The following ERCC1 variants were observed in gnomAD, a reference collection of about 807,000 sequenced individuals.
ERCC1 encodes ERCC excision repair 1, endonuclease non-catalytic subunit.
Under a neutral mutation model 37.6 loss-of-function variants are expected in ERCC1, and 36 were observed. The ratio of observed to expected loss-of-function variants is 0.96; its 90% confidence interval spans 0.73 to 1.26. The LOEUF (loss-of-function observed/expected upper bound fraction) is 1.26. Among genes scored for constraint, ERCC1 ranks in the 50% most tolerant of loss-of-function variants. The probability of loss-of-function intolerance (pLI) is 0.00; values close to 1 mark genes in which losing one functional copy is unlikely to be tolerated. For missense variants in ERCC1, 349 were observed against 376.5 expected, an observed-to-expected ratio of 0.93 and a Z score of 0.60; for synonymous variants, 156 against 162.1, an observed-to-expected ratio of 0.96 and a Z score of 0.28.
chr19:45,413,560 G>A lies in ERCC1; in HGVS notation c.843+117C>T, dbSNP rs200865944. The A allele has an allele frequency of 1.2e-5, 20 of 1,613,282 alleles. No individual in the cohort carries two copies. The Admixed American group carries it at 2.7e-4, about 22-fold the overall frequency. The stretch of plus-strand genomic sequence containing the variant: ...CAAAATGTTGGGATTACAGGCGGAA[G>A]CCACTGTGTCTGGTCTTTGGTTCTT... On this transcript the variant is annotated intron_variant, in intron 9 of 9. Coordinates refer to ENST00000300853, the MANE Select transcript of ERCC1 (RefSeq NM_001983.4).
Position 45,414,185 on chromosome 19 carries a change from G to GTCATCTCAGGCTGGGCGTGGTGGC in ERCC1, c.703-175_703-152dup. 4.2e-6 allele frequency: 3 copies of GTCATCTCAGGCTGGGCGTGGTGGC among 706,012 alleles called. No homozygotes were observed. In the East Asian group the frequency reaches 8.1e-5, roughly 19 times the overall value. The allele number at this position is 706,012 out of a possible 1,614,324, so 43.7% of individuals were successfully genotyped here. On this transcript the variant is annotated intron_variant, in intron 7 of 9. Coordinates refer to ENST00000300853, the MANE Select transcript of ERCC1 (RefSeq NM_001983.4). Reference sequence around the variant, plus strand: ...GCTTTTTTTCCCAACTGATTAAAAAGTCATCTCAGGCTGGGCGTGGTGGCT... The same window carrying GTCATCTCAGGCTGGGCGTGGTGGC: ...GCTTTTTTTCCCAACTGATTAAAAAGTCATCTCAGGCTGGGCGTGGTGGCTCATCTCAGGCTGGGCGTGGTGGCT...
At chr19:45,432,998 T>G (rs958956205) in intron 1 of ERCC1, among the ~76,000 whole-genome samples, 2 of 152,208 alleles carry the variant, frequency 1.3e-5, no homozygotes, top group African/African-American at 4.8e-5. Context: ...GAGAATCGCT[T>G]GAACCTGGGA....
intron 3 of ERCC1, 95 bp downstream of exon 3, chr19:45,421,083 G>T: frequency 1.0e-6 from 1 of 1,000,536 alleles, no homozygotes. Flanking sequence ...AGAACAAAGT[G>T]GCTGGAACTC....
At chr19:45,416,727 G>T in intron 6 of ERCC1, 94 bp downstream of exon 6, 1 of 913,912 alleles carries the variant, frequency 1.1e-6, no homozygotes, top group Non-Finnish European at 1.8e-6. Context: ...GGCCCACACA[G>T]GAAGGAGAAG....
intron 1 of ERCC1, among the ~76,000 whole-genome samples, chr19:45,447,269 T>G (rs1157020631): frequency 8.8e-5 from 12 of 136,856 alleles, no homozygotes; most frequent in Non-Finnish European, 1.5e-4. Flanking sequence ...CAGATTTGCT[T>G]CTTTTTTTTT....
At chr19:45,414,410 G>A in intron 7 of ERCC1, 1 of 366,288 alleles carries the variant, frequency 2.7e-6, no homozygotes, top group Non-Finnish European at 5.2e-6. Flanking sequence ...CTGGGAGGCA[G>A]AGGTTGCAGT....
intron 1 of ERCC1, among the ~76,000 whole-genome samples, chr19:45,445,593 G>T (rs944638738): frequency 2.6e-5 from 4 of 152,172 alleles, no homozygotes; most frequent in African/African-American, 9.7e-5. Context: ...GGTGATGTTT[G>T]AGCAAAGACT....
At chr19:45,419,448 G>A in intron 4 of ERCC1, 1 of 489,420 alleles carries the variant, frequency 2.0e-6, no homozygotes, top group East Asian at 3.8e-5. Context: ...ATGAAGAGGG[G>A]AAGAGACTTG....
chr19:45,413,813 G>A (rs2123467382), intron 8 of ERCC1, 68 bp from the exon 9 acceptor site: 4 of 1,601,504 alleles, frequency 2.5e-6, no homozygotes, highest in Non-Finnish European at 3.4e-6. Flanking sequence ...GCTGAGGAGG[G>A]GCCTCAGATA....
chr19:45,440,492 T>C (rs1975093129), intron 1 of ERCC1, among the ~76,000 whole-genome samples: 2 of 152,184 alleles, frequency 1.3e-5, no homozygotes, highest in South Asian at 4.1e-4. Context: ...GTTTCTACTG[T>C]GGGCAGGGGT....
chr19:45,428,837 C>G (rs890367809), upstream of ERCC1: 15 of 151,432 alleles, frequency 9.9e-5, no homozygotes, highest in African/African-American at 3.1e-4. Context: ...GCGGCGGGGC[C>G]GGGGACGCAG....
At position 45,408,107 on chromosome 19, in the gene ERCC1, T is replaced by C. The variant is rs776484508; in HGVS notation, c.*1568A>G. The stretch of plus-strand genomic sequence containing the variant: ...TTCCCTCTCCTGTTCCACTTAAGCC[T>C]CTGCCCTCCCTGTTTCTCTCTGTAG... On this transcript the variant is annotated 3_prime_UTR_variant, in exon 10 of 10. Transcript: ENST00000300853. 6.4e-7 allele frequency: 1 copy of C among 1,566,676 alleles called. No homozygotes were observed. Among genetic ancestry groups the C allele is most frequent in the Non-Finnish European group, 8.7e-7 (1 of 1,153,358 alleles).
chr19:45,416,253 T>C (rs1004320715), intron 6 of ERCC1, among the ~76,000 whole-genome samples: 2 of 152,242 alleles, frequency 1.3e-5, no homozygotes, highest in East Asian at 3.8e-4. Flanking sequence ...TTAGCTATTT[T>C]GGAAGGGAAG....
chr19:45,437,226 G>A (rs1975004239), intron 1 of ERCC1, among the ~76,000 whole-genome samples: 1 of 152,132 alleles, frequency 6.6e-6, no homozygotes, highest in Non-Finnish European at 1.5e-5. Flanking sequence ...TTCGGCCTGG[G>A]CGACAGGAGC....
In ERCC1 at chr19:45,438,588, G is replaced by T. The variant is rs183078863; in HGVS notation, c.-7-15207C>A. On this transcript the variant is annotated intron_variant, in intron 1 of 8. Transcript: ENST00000423698. ...TGATCCTCCTACCTCAGCCTTCTGAGTAGCTGGGACTACAGGTGTGCACTA... is the reference window on the plus strand; with the variant it reads ...TGATCCTCCTACCTCAGCCTTCTGATTAGCTGGGACTACAGGTGTGCACTA... 2.5e-3 allele frequency among the ~76,000 whole-genome samples: 386 copies of T among 152,226 alleles called. 2 individuals are homozygous for T. Among genetic ancestry groups the T allele is most frequent in the African/African-American group, 8.8e-3 (366 of 41,556 alleles).
chr19:45,445,956 T>C (rs1346649778), intron 1 of ERCC1, among the ~76,000 whole-genome samples: 6 of 152,162 alleles, frequency 3.9e-5, no homozygotes, highest in Admixed American at 3.9e-4. Flanking sequence ...TGGCGTGGTC[T>C]CGGCTCACTG....
At chr19:45,435,441 A>G (rs1320779785) in intron 1 of ERCC1, among the ~76,000 whole-genome samples, 2 of 152,184 alleles carry the variant, frequency 1.3e-5, no homozygotes, top group African/African-American at 4.8e-5. Flanking sequence ...TCTCAGCCTT[A>G]AAAGAAAACT....
At position 45,413,471 on chromosome 19, in the gene ERCC1, G is replaced by T. The variant is rs1044504900; in HGVS notation, c.843+206C>A. The T allele has an allele frequency of 7.0e-6, 7 of 994,108 alleles. No individual in the cohort carries two copies. In the African/African-American group the frequency reaches 9.6e-5, roughly 14 times the overall value. 61.6% of individuals were successfully genotyped at this position (994,108 alleles called of 1,614,324 possible). A position where few individuals can be genotyped will look rare whatever the true frequency, so the allele number is the denominator to read the frequency against. ...TTTTTTTATTTTTAGTAAAAATGAGGTGTCCACTTGCCCAGGCTGGTCTCC... is the reference window on the plus strand; with the variant it reads ...TTTTTTTATTTTTAGTAAAAATGAGTTGTCCACTTGCCCAGGCTGGTCTCC... On this transcript the variant is annotated intron_variant, in intron 9 of 9. Transcript: ENST00000300853.
intron 1 of ERCC1, among the ~76,000 whole-genome samples, chr19:45,435,215 C>T (rs1334594848): frequency 6.6e-6 from 1 of 152,160 alleles, no homozygotes; most frequent in Non-Finnish European, 1.5e-5. Context: ...CTGTGCCAGG[C>T]CCATTTTACA....
Sources: allele counts gnomAD v4.1 joint callset (sites outside exome capture counted in the v4.1 genomes callset), GRCh38; gene constraint gnomAD v4.1.1; transcripts MANE v1.5; gene names NCBI Gene and HGNC (gene_info 2026-07-23, HGNC 2026-07-21).